CTNNA2: variants seen among roughly 807,000 people sequenced by gnomAD.
CTNNA2 encodes catenin alpha 2, also known as catenin alpha-2.
CTNNA2 carries 42 observed loss-of-function variants against 101.0 expected under a neutral mutation model. The observed-to-expected ratio is 0.42, with a 90% CI of 0.32 to 0.54. CTNNA2 has a LOEUF of 0.54. Ranked by LOEUF, CTNNA2 falls within the 20% of genes least tolerant of loss-of-function variation. The pLI, the probability that CTNNA2 is intolerant of heterozygous loss-of-function variation, is 0.14. For missense variants in CTNNA2, 871 were observed against 1,223.1 expected, an observed-to-expected ratio of 0.71 and a Z score of 4.29; for synonymous variants, 450 against 456.4, an observed-to-expected ratio of 0.99 and a Z score of 0.18.
At chr2:80,637,579 G>A (rs150725944) in intron 18 of CTNNA2, among the ~76,000 whole-genome samples, 477 of 152,232 alleles carry the variant, frequency 3.1e-3, no homozygotes, top group Non-Finnish European at 5.0e-3. Context: ...CACTGGGAAC[G>A]GAATCTCTCT....
chr2:79,662,413 C>A (rs974156783), intron 2 of CTNNA2, among the ~76,000 whole-genome samples: 2 of 152,022 alleles, frequency 1.3e-5, no homozygotes, highest in African/African-American at 2.4e-5. Flanking sequence ...ATAATGATAT[C>A]TTTATGTGCT....
chr2:80,269,741 A>G (rs1329334241), intron 7 of CTNNA2, among the ~76,000 whole-genome samples: 2 of 152,250 alleles, frequency 1.3e-5, no homozygotes, highest in East Asian at 1.9e-4. Flanking sequence ...TCTGAGTACT[A>G]TTTTCCATCA....
Position 79,977,203 on chromosome 2 carries a change from C to T in CTNNA2, c.1056+67406C>T, listed in dbSNP as rs648361. On this transcript the variant is annotated intron_variant, in intron 7 of 18. Transcript: ENST00000402739. ...ATGTAATTGCAAACGTACACACACACGTGCACATGCATATGCATGCACACA... is the reference window on the plus strand; with the variant it reads ...ATGTAATTGCAAACGTACACACACATGTGCACATGCATATGCATGCACACA... 5.3e-5 allele frequency among the ~76,000 whole-genome samples: 8 copies of T among 150,250 alleles called. No homozygotes were observed. The South Asian group carries it at 8.3e-4, about 16-fold the overall frequency.
intron 2 of CTNNA2, among the ~76,000 whole-genome samples, chr2:79,298,191 T>A (rs899020487): frequency 6.6e-6 from 1 of 152,160 alleles, no homozygotes; most frequent in African/African-American, 2.4e-5. Context: ...AAGCTTTTAT[T>A]CATGGCAAAA....
chr2:79,285,983 G>A (rs1469533655), intron 2 of CTNNA2, among the ~76,000 whole-genome samples: 1 of 148,678 alleles, frequency 6.7e-6, no homozygotes, highest in African/African-American at 2.6e-5. Flanking sequence ...TCTTCTTGTT[G>A]AATTCATCCC....
At chr2:79,820,145 C>T (rs1408129041) in intron 3 of CTNNA2, among the ~76,000 whole-genome samples, 1 of 152,016 alleles carries the variant, frequency 6.6e-6, no homozygotes, top group Admixed American at 6.6e-5. Context: ...TTTAAAGTGC[C>T]ACACTGTTTC....
At chr2:79,644,590 T>C (rs1402733055) in intron 1 of CTNNA2, among the ~76,000 whole-genome samples, 1 of 152,188 alleles carries the variant, frequency 6.6e-6, no homozygotes, top group Non-Finnish European at 1.5e-5. Flanking sequence ...TGTTGCTCAC[T>C]AGCTGGCCCA....
chr2:80,310,234 T>C (rs1366833261), intron 7 of CTNNA2, among the ~76,000 whole-genome samples: 1 of 152,238 alleles, frequency 6.6e-6, no homozygotes, highest in African/African-American at 2.4e-5. Context: ...TTCTGAATAA[T>C]GTGTTTTCTC....
chr2:80,589,295 C>T lies in CTNNA2; in HGVS notation c.2008-9C>T. On this transcript the variant is annotated splice_polypyrimidine_tract_variant and intron_variant, in intron 14 of 18. Transcript: ENST00000402739. ...ACCGTCACTCACGCTTTTTCTGTAA[C>T]CCACGCAGGCCATCATGGCGCAACT... The T allele has an allele frequency of 2.5e-6, 4 of 1,613,054 alleles. No homozygotes were observed. Among genetic ancestry groups the T allele is most frequent in the Non-Finnish European group, 3.4e-6 (4 of 1,179,446 alleles).
At chr2:79,939,473 T>C (rs1688002009) in intron 7 of CTNNA2, among the ~76,000 whole-genome samples, 1 of 152,250 alleles carries the variant, frequency 6.6e-6, no homozygotes, top group African/African-American at 2.4e-5. Flanking sequence ...ATGAGTTTTT[T>C]TTCCTTAATA....
chr2:80,496,220 G>A (rs1047855058), intron 9 of CTNNA2, among the ~76,000 whole-genome samples: 16 of 152,076 alleles, frequency 1.1e-4, no homozygotes, highest in Admixed American at 3.9e-4. Flanking sequence ...CACCTAGTGC[G>A]TGGTACTTTG....
intron 1 of CTNNA2, among the ~76,000 whole-genome samples, chr2:79,601,899 A>T (rs983617426): frequency 1.3e-5 from 2 of 152,242 alleles, no homozygotes; most frequent in Non-Finnish European, 2.9e-5. Flanking sequence ...CCTACTGAAC[A>T]TCACATCTTA....
At chr2:79,918,712 T>G (rs1686432275) in intron 7 of CTNNA2, among the ~76,000 whole-genome samples, 1 of 152,164 alleles carries the variant, frequency 6.6e-6, no homozygotes, top group Non-Finnish European at 1.5e-5. Context: ...GCCAGGTACT[T>G]GGTAGAAGCA....
intron 7 of CTNNA2, among the ~76,000 whole-genome samples, chr2:80,204,866 G>A (rs1707433653): frequency 6.6e-6 from 1 of 151,874 alleles, no homozygotes; most frequent in Non-Finnish European, 1.5e-5. Flanking sequence ...ACTTCCACAT[G>A]GCTGGGAAGG....
At chr2:80,231,428 T>G (rs567171581) in intron 7 of CTNNA2, among the ~76,000 whole-genome samples, 1 of 152,314 alleles carries the variant, frequency 6.6e-6, no homozygotes, top group South Asian at 2.1e-4. Flanking sequence ...CAAGGCACTG[T>G]CCTTCTTAGG....
At chr2:80,325,026 T>TC (rs938197502) in intron 7 of CTNNA2, among the ~76,000 whole-genome samples, 43 of 152,162 alleles carry the variant, frequency 2.8e-4, no homozygotes, top group Non-Finnish European at 5.6e-4. Flanking sequence ...TTCTCTCTCT[T>TC]CCCCACTAAA....
chr2:79,559,623 T>A (rs1368650566), intron 1 of CTNNA2, among the ~76,000 whole-genome samples: 1 of 151,948 alleles, frequency 6.6e-6, no homozygotes, highest in Non-Finnish European at 1.5e-5. Flanking sequence ...AGTGAAGTAG[T>A]GGTGTTTCTT....
intron 4 of CTNNA2, among the ~76,000 whole-genome samples, chr2:79,458,187 T>C (rs992005629): frequency 6.6e-6 from 1 of 152,260 alleles, no homozygotes; most frequent in Non-Finnish European, 1.5e-5. Context: ...AACTTCCTTA[T>C]AGATTCTCAG....
At chr2:80,244,929 G>A (rs1026800159) in intron 7 of CTNNA2, among the ~76,000 whole-genome samples, 3 of 152,164 alleles carry the variant, frequency 2.0e-5, no homozygotes, top group African/African-American at 7.2e-5. Context: ...GCGAGAGCCA[G>A]GTGGGAGACT....
Sources: gnomAD v4.1 joint callset for allele counts (sites outside exome capture counted in the v4.1 genomes callset) on GRCh38, gnomAD v4.1.1 for gene constraint, MANE v1.5 for transcripts, NCBI Gene and HGNC (gene_info 2026-07-23, HGNC 2026-07-21) for gene names.